Variants in DNM3 observed in about 807,000 individuals in gnomAD.
DNM3 encodes the protein dynamin 3, also known as dynamin-3.
DNM3 carries 47 observed loss-of-function variants against 101.6 expected under a neutral mutation model. The observed-to-expected ratio is 0.46, with a 90% CI of 0.37 to 0.59. The LOEUF is 0.59. Among genes scored for constraint, DNM3 ranks in the 20% least tolerant of loss-of-function variants. The probability of loss-of-function intolerance (pLI) is 0.00; values close to 1 mark genes in which losing one functional copy is unlikely to be tolerated. For synonymous variants in DNM3, 385 were observed against 387.9 expected (o/e 0.99, Z 0.09); for missense variants, 849 against 1,085.7 (o/e 0.78, Z 3.06).
Position 172,032,458 on chromosome 1 carries a change from G to A in DNM3, c.646G>A (p.Ala216Thr). The A allele has an allele frequency of 6.2e-7, 1 of 1,611,002 alleles. No individual in the cohort carries two copies. Among genetic ancestry groups the A allele is most frequent in the South Asian group, 1.1e-5 (1 of 90,978 alleles). ...GGACCTTATGGATGAAGGAACGGATGCCAGGGATGTTCTAGAGAACAAACT... is the reference window on the plus strand; with the variant it reads ...GGACCTTATGGATGAAGGAACGGATACCAGGGATGTTCTAGAGAACAAACT... The part of the protein sequence containing the change: ...KLDLMDEGTD[A>T]RDVLENKLLP... Residue 216 changes from alanine to threonine, a missense_variant, in exon 5 of 21, where the codon GCC (alanine) becomes ACC (threonine). Ala to Thr is a moderately conservative substitution (Grantham distance 58). This residue lies in a region of DNM3 where 388 missense variants were observed against 483.0 expected (regional missense o/e 0.80). Transcript: ENST00000627582.
At chr1:171,979,833 C>T (rs937099634) in intron 2 of DNM3, among the ~76,000 whole-genome samples, 5 of 152,206 alleles carry the variant, frequency 3.3e-5, no homozygotes, top group Non-Finnish European at 5.9e-5. Flanking sequence ...CAACTGGCTT[C>T]GGCTTTGTAT....
chr1:172,288,870 A>T (rs1007313827), intron 15 of DNM3, among the ~76,000 whole-genome samples: 2 of 152,232 alleles, frequency 1.3e-5, no homozygotes, highest in Non-Finnish European at 2.9e-5. Context: ...GTCAGTTTAT[A>T]TATAGTACTA....
intron 13 of DNM3, among the ~76,000 whole-genome samples, chr1:172,120,726 C>A (rs2056253090): frequency 6.6e-6 from 1 of 152,188 alleles, no homozygotes; most frequent in South Asian, 2.1e-4. Flanking sequence ...GAGCACTGTT[C>A]ATGTAAGGAA....
chr1:172,068,620 A>G (rs1355682202), intron 10 of DNM3, among the ~76,000 whole-genome samples, 199 bp from the exon 11 acceptor site: 1 of 152,208 alleles, frequency 6.6e-6, no homozygotes, highest in Non-Finnish European at 1.5e-5. Context: ...TTTCCTCAAC[A>G]TAACAAGGTT....
At chr1:172,318,152 T>C (rs2065487922) in intron 16 of DNM3, among the ~76,000 whole-genome samples, 1 of 152,200 alleles carries the variant, frequency 6.6e-6, no homozygotes, top group Non-Finnish European at 1.5e-5. Flanking sequence ...ATTATTTCAA[T>C]AGATGCAGAA....
In DNM3 at chr1:172,010,731, G is replaced by A. The variant is rs1434209655; in HGVS notation, c.589+21583G>A. On this transcript the variant is annotated intron_variant, in intron 4 of 20. Transcript: ENST00000627582. ...GTGTGTGTGTGTGTGTGTAGCTGAT[G>A]TTCTTTGAGCTTTAGAATCTGTGAG... 3.2e-5 allele frequency among the ~76,000 whole-genome samples: 4 copies of A among 124,174 alleles called. No homozygotes were observed. In the East Asian group the frequency reaches 1.1e-3, roughly 35 times the overall value. The allele number at this position is 124,174 out of a possible 152,430, so 81.5% of individuals were successfully genotyped here.
At chr1:172,163,055 A>G (rs1183368657) in intron 14 of DNM3, among the ~76,000 whole-genome samples, 4 of 152,008 alleles carry the variant, frequency 2.6e-5, no homozygotes, top group Admixed American at 2.6e-4. Flanking sequence ...AATAAAAATT[A>G]TATCTATTTA....
At chr1:171,925,060 C>A (rs564010243) in intron 2 of DNM3, among the ~76,000 whole-genome samples, 1 of 147,376 alleles carries the variant, frequency 6.8e-6, no homozygotes, top group Non-Finnish European at 1.5e-5. Context: ...CCACCACGCC[C>A]GGCTAATTTT....
intron 14 of DNM3, among the ~76,000 whole-genome samples, chr1:172,235,606 C>T (rs1313707713): frequency 3.3e-5 from 5 of 152,054 alleles, no homozygotes; most frequent in Non-Finnish European, 1.5e-5. Context: ...AAATGTCCAA[C>T]GATGATAGAC....
chr1:171,872,801 T>C (rs2035418294), intron 1 of DNM3, among the ~76,000 whole-genome samples: 1 of 152,086 alleles, frequency 6.6e-6, no homozygotes, highest in Admixed American at 6.6e-5. Flanking sequence ...TTTTTTTTAA[T>C]TCAGGTCCAA....
At chr1:172,029,090 G>A (rs896643028) in intron 4 of DNM3, among the ~76,000 whole-genome samples, 1 of 152,094 alleles carries the variant, frequency 6.6e-6, no homozygotes, top group African/African-American at 2.4e-5. Context: ...ACCAAAACCT[G>A]GTGGAGACAC....
chr1:172,365,361 A>C (rs2067958802), intron 17 of DNM3, among the ~76,000 whole-genome samples: 2 of 151,950 alleles, frequency 1.3e-5, no homozygotes, highest in Non-Finnish European at 2.9e-5. Context: ...CGAGAGATTA[A>C]TTTGTACTAT....
At chr1:171,984,826 T>A (rs1214699851) in intron 2 of DNM3, among the ~76,000 whole-genome samples, 1 of 152,200 alleles carries the variant, frequency 6.6e-6, no homozygotes, top group Non-Finnish European at 1.5e-5. Context: ...CAGGAATCCT[T>A]GAATCTGTCT....
chr1:172,020,592 G>A (rs1009900837), intron 4 of DNM3, among the ~76,000 whole-genome samples: 12 of 151,676 alleles, frequency 7.9e-5, no homozygotes, highest in African/African-American at 2.2e-4. Flanking sequence ...GCATGGTGGC[G>A]GGCGCCTGTA....
chr1:171,951,683 T>C (rs1246853547), intron 2 of DNM3, among the ~76,000 whole-genome samples: 1 of 152,192 alleles, frequency 6.6e-6, no homozygotes, highest in Non-Finnish European at 1.5e-5. Flanking sequence ...ATACTGAATT[T>C]GGGATCTTGT....
At chr1:172,202,797 T>C (rs537744310) in intron 14 of DNM3, among the ~76,000 whole-genome samples, 1 of 152,322 alleles carries the variant, frequency 6.6e-6, no homozygotes, top group South Asian at 2.1e-4. Context: ...TTCTTTTAAC[T>C]GGTTTGTTTC....
At chr1:171,860,206 A>G (rs1558176083) in intron 1 of DNM3, among the ~76,000 whole-genome samples, 1 of 152,186 alleles carries the variant, frequency 6.6e-6, no homozygotes, top group African/African-American at 2.4e-5. Flanking sequence ...TTGAATTTCC[A>G]GTTTAATTTT....
chr1:171,967,970 T>C (rs180898336), intron 2 of DNM3, among the ~76,000 whole-genome samples: 10 of 152,294 alleles, frequency 6.6e-5, no homozygotes, highest in Admixed American at 5.2e-4. Context: ...TTTGTATGCC[T>C]TTTTCTCCTA....
intron 13 of DNM3, among the ~76,000 whole-genome samples, chr1:172,102,579 T>C (rs2054727251): frequency 6.6e-6 from 1 of 152,208 alleles, no homozygotes; most frequent in Admixed American, 6.5e-5. Context: ...GATTATCTTA[T>C]CTACTCAAAA....
Sources: gnomAD v4.1 joint callset for allele counts (sites outside exome capture counted in the v4.1 genomes callset) on GRCh38, gnomAD v4.1.1 for gene constraint, gnomAD v4.1.1 regional missense constraint, MANE v1.5 for transcripts, NCBI Gene and HGNC (gene_info 2026-07-23, HGNC 2026-07-21) for gene names.